The following MIOX variants were observed in gnomAD, a reference collection of about 807,000 sequenced individuals.
MIOX encodes the protein inositol oxygenase.
MIOX carries 51 observed loss-of-function variants against 42.7 expected under a neutral mutation model. The observed-to-expected ratio is 1.19, with a 90% CI of 0.95 to 1.51. The LOEUF (loss-of-function observed/expected upper bound fraction) is 1.51. Among genes scored for constraint, MIOX ranks in the 40% most tolerant of loss-of-function variants. The probability of loss-of-function intolerance (pLI) is 0.00; values close to 1 mark genes in which losing one functional copy is unlikely to be tolerated. For missense variants in MIOX, 395 were observed against 381.3 expected, an observed-to-expected ratio of 1.04 and a Z score of -0.30; for synonymous variants, 168 against 154.4, an observed-to-expected ratio of 1.09 and a Z score of -0.65.
rs1191729614 is a variant in MIOX, at chr22:50,489,530, A to G, written c.637-2A>G. 6.2e-7 allele frequency: 1 copy of G among 1,612,588 alleles called. No individual in the cohort carries two copies. Among genetic ancestry groups the G allele is most frequent in the South Asian group, 1.1e-5 (1 of 91,072 alleles). ...TGAGCCGCTGGGTGGCCTTGCCCGC[A>G]GGCTTTCTACATGATCCGGTTCCAC... is the stretch of plus-strand genomic sequence containing the variant. On this transcript the variant is annotated splice_acceptor_variant, in intron 8 of 9. Transcript: ENST00000216075. LOFTEE classifies it high-confidence loss of function.
chr22:50,489,081 G>A lies in MIOX; in HGVS notation c.450G>A (p.Pro150=), dbSNP rs148408706. 6.6e-4 allele frequency: 1,058 copies of A among 1,611,908 alleles called. 2 individuals are homozygous for A. The highest frequency in any genetic ancestry group is 8.1e-4 in the Non-Finnish European group (960 of 1,179,822). Residue 150 remains proline (P), a synonymous_variant, in exon 6 of 10, where the codon CCG becomes CCA. Transcript: ENST00000216075. ...ACACCTTCCCCGTCGGATGCCGTCC[G>A]CAGGCCTCCGTGGTTTTCTGCGACT... The part of the protein sequence containing the change: ...VGDTFPVGCR[P]QASVVFCDST...
At position 50,490,604 on chromosome 22, in the gene MIOX, G is replaced by C. The variant is rs995677361; in HGVS notation, c.*748G>C. 6.6e-6 allele frequency: 1 copy of C among 152,110 alleles called. No homozygotes were observed. Among genetic ancestry groups the C allele is most frequent in the African/African-American group, 2.4e-5 (1 of 41,426 alleles). 9.4% of individuals were successfully genotyped at this position (152,110 alleles called of 1,614,324 possible). Reference sequence around the variant, plus strand: ...CTGCACTCCAACCTGGGTATCAAGAGTGAAATTCCATCTCAAAAAAAATAA... The same window carrying C: ...CTGCACTCCAACCTGGGTATCAAGACTGAAATTCCATCTCAAAAAAAATAA... On this transcript the variant is annotated 3_prime_UTR_variant, in exon 10 of 10. Coordinates refer to ENST00000216075, the MANE Select transcript of MIOX (RefSeq NM_017584.6).
chr22:50,489,264 C>A lies in MIOX; in HGVS notation c.555C>A (p.Leu185=). The part of the protein sequence containing the change: ...ELGMYQPHCG[L]DRVLMSWGHD... Reference sequence around the variant, plus strand: ...GGATGTATCAGCCCCACTGTGGGCTCGACAGGGTCCTCATGTCCTGGGGCC... The same window carrying A: ...GGATGTATCAGCCCCACTGTGGGCTAGACAGGGTCCTCATGTCCTGGGGCC... Residue 185 remains leucine, a synonymous_variant, in exon 7 of 10, where the codon CTC becomes CTA. Transcript: ENST00000216075. The A allele has an allele frequency of 6.2e-7, 1 of 1,601,392 alleles. No homozygotes were observed. The highest frequency in any genetic ancestry group is 1.1e-5 in the South Asian group (1 of 90,390).
chr22:50,489,561 C>G lies in MIOX; in HGVS notation c.666C>G (p.Phe222Leu), dbSNP rs200415976. 12 of 1,612,640 alleles carry G rather than the reference C, an allele frequency of 7.4e-6. No individual in the cohort carries two copies. In the East Asian group the frequency reaches 1.8e-4, roughly 24 times the overall value. Residue 222 changes from phenylalanine to leucine, a missense_variant, in exon 9 of 10, where the codon TTC becomes TTG. Physicochemically the swap from Phe to Leu is conservative, Grantham distance 22. Coordinates refer to ENST00000216075, the MANE Select transcript of MIOX (RefSeq NM_017584.6). ...TCTACATGATCCGGTTCCACTCCTT[C>G]TACCCCTGGCACACGGGCCGCGACT... ...EAFYMIRFHS[F>L]YPWHTGRDYQ...
rs199790962 is a variant in MIOX at position 50,487,616 on chromosome 22, C to T, written c.97-46C>T. On this transcript the variant is annotated intron_variant, in intron 2 of 9. Transcript: ENST00000216075. Reference sequence around the variant, plus strand: ...GCCTGGGAGAGGGGAGGCATGGGGCCTCGTGTGCAGGGTGGGGGTGGCGCC... The same window carrying T: ...GCCTGGGAGAGGGGAGGCATGGGGCTTCGTGTGCAGGGTGGGGGTGGCGCC... 640 of 1,588,408 alleles carry T rather than the reference C, an allele frequency of 4.0e-4. 3 individuals carry two copies. In the Middle Eastern group the frequency reaches 4.5e-3, roughly 11 times the overall value.
chr22:50,487,599 G>C, intron 2 of MIOX, 63 bp from the exon 3 acceptor site: 1 of 1,569,506 alleles, frequency 6.4e-7, no homozygotes, highest in South Asian at 1.2e-5. Flanking sequence ...CTGCCTGGGA[G>C]AGGGGAGGCA....
Position 50,489,139 on chromosome 22 carries a change from C to G in MIOX, c.508C>G (p.Pro170Ala). Residue 170 changes from proline to alanine, a missense_variant, in exon 6 of 10, where the codon CCT becomes GCT. Physicochemically the swap from Pro to Ala is conservative, Grantham distance 27. Transcript: ENST00000216075. ...CCAGGACAACCCTGACCTCCAGGAT[C>G]CTCGATACAGGTGCTCCCTGCTGCT... ...TFQDNPDLQD[P>A]RYSTELGMYQ... 6.2e-7 allele frequency: 1 copy of G among 1,613,388 alleles called. No individual in the cohort carries two copies. Among genetic ancestry groups the G allele is most frequent in the African/African-American group, 1.3e-5 (1 of 74,964 alleles).
chr22:50,489,638 A>C lies in MIOX; in HGVS notation c.743A>C (p.Glu248Ala), dbSNP rs2068334716. The C allele has an allele frequency of 7.0e-7, 1 of 1,429,544 alleles. No individual in the cohort carries two copies. Among genetic ancestry groups the C allele is most frequent in the Admixed American group, 1.9e-5 (1 of 52,994 alleles). 88.6% of individuals were successfully genotyped at this position (1,429,544 alleles called of 1,614,324 possible). Residue 248 changes from glutamate (E) to alanine (A), a missense_variant, in exon 9 of 10, where the codon GAG becomes GCG. By Grantham distance (107) the Glu-to-Ala change is moderately radical. Transcript: ENST00000216075. ...QDLAMLPWVR[E>A]FNKFDLYTKC... ...CTGGCCATGCTGCCCTGGGTGCGGG[A>C]GTTCAAGTACGCCCCGCTACCCGCC...
chr22:50,487,263 C>A (rs537674355), intron 1 of MIOX, 122 bp from the exon 2 acceptor site: 18 of 817,692 alleles, frequency 2.2e-5, no homozygotes, highest in African/African-American at 1.9e-4. Context: ...TGTGTCCTCG[C>A]GTGTCACCCA....
rs2068339309 is a variant in MIOX, at chr22:50,489,859, C to T, written c.*3C>T. ...GCCCTGGCATCCTGAGCTGGTGACCCTCCTGCCACCCAAGCTGCTGCTGGA... is the reference window on the plus strand; with the variant it reads ...GCCCTGGCATCCTGAGCTGGTGACCTTCCTGCCACCCAAGCTGCTGCTGGA... On this transcript the variant is annotated 3_prime_UTR_variant, in exon 10 of 10. Transcript: ENST00000216075. The T allele has an allele frequency of 6.2e-7, 1 of 1,608,822 alleles. No homozygotes were observed. Among genetic ancestry groups the T allele is most frequent in the East Asian group, 2.2e-5 (1 of 44,880 alleles).
Position 50,487,764 on chromosome 22 carries a change from G to A in MIOX, c.177+22G>A, listed in dbSNP as rs371910730. Reference sequence around the variant, plus strand: ...CAAGGTAGGCGTTTCCTGCCGCCCCGTGCAAACGCGGAGGGACCCTTGCCC... The same window carrying A: ...CAAGGTAGGCGTTTCCTGCCGCCCCATGCAAACGCGGAGGGACCCTTGCCC... On this transcript the variant is annotated intron_variant, in intron 3 of 9. Transcript: ENST00000216075. 390 of 1,612,998 alleles carry A rather than the reference G, an allele frequency of 2.4e-4. 4 individuals carry two copies. The South Asian group carries it at 3.1e-3, about 13-fold the overall frequency.
At position 50,487,347 on chromosome 22, in the gene MIOX, C is replaced by T. The variant is rs554610531; in HGVS notation, c.16-38C>T. On this transcript the variant is annotated intron_variant, in intron 1 of 9. Coordinates refer to ENST00000216075, the MANE Select transcript of MIOX (RefSeq NM_017584.6). ...TGTCTGTGCTTCCTCGTGGAGCTGA[C>T]ATGATGGTGAAATAGGTTCAATCCT... is the stretch of plus-strand genomic sequence containing the variant. The T allele has an allele frequency of 1.6e-5, 25 of 1,539,014 alleles. No individual in the cohort carries two copies. The African/African-American group carries it at 1.9e-4, about 12-fold the overall frequency.
chr22:50,487,827 G>T, intron 3 of MIOX, 59 bp from the exon 4 acceptor site: 1 of 1,611,692 alleles, frequency 6.2e-7, no homozygotes, highest in Non-Finnish European at 8.5e-7. Context: ...AGGGGATGGA[G>T]AGGCCTGTGT....
In MIOX at chr22:50,487,739, C is replaced by T. The variant is rs969443899; in HGVS notation, c.174C>T (p.Ser58=). The T allele has an allele frequency of 1.9e-6, 3 of 1,613,724 alleles. No individual in the cohort carries two copies. The highest frequency in any genetic ancestry group is 2.7e-5 in the African/African-American group (2 of 74,948). Residue 58 remains serine (S), a synonymous_variant, in exon 3 of 10, where the codon AGC becomes AGT. Transcript: ENST00000216075. The part of the protein sequence containing the change: ...HTHQTVDFVR[S]KHAQFGGFSY... ...ACCAGACAGTGGACTTCGTCAGGAG[C>T]AAGGTAGGCGTTTCCTGCCGCCCCG... is the stretch of plus-strand genomic sequence containing the variant.
At chr22:50,487,256 G>A in intron 1 of MIOX, 129 bp from the exon 2 acceptor site, 2 of 773,804 alleles carry the variant, frequency 2.6e-6, no homozygotes, top group Admixed American at 4.8e-5. Context: ...GAGAGGCTGT[G>A]TCCTCGCGTG....
Position 50,489,089 on chromosome 22 carries a change from C to T in MIOX, c.458C>T (p.Ser153Phe), listed in dbSNP as rs1437162902. 1 of 1,612,856 alleles carries T rather than the reference C, an allele frequency of 6.2e-7. No individual in the cohort carries two copies. The highest frequency in any genetic ancestry group is 1.3e-5 in the African/African-American group (1 of 74,808). Residue 153 changes from serine (S) to phenylalanine (F), a missense_variant, in exon 6 of 10, where the codon TCC becomes TTC. Ser to Phe is a radical substitution (Grantham distance 155). Coordinates refer to ENST00000216075, the MANE Select transcript of MIOX (RefSeq NM_017584.6). Reference protein sequence around the residue: ...TFPVGCRPQASVVFCDSTFQD... With the variant: ...TFPVGCRPQAFVVFCDSTFQD... ...CCCGTCGGATGCCGTCCGCAGGCCT[C>T]CGTGGTTTTCTGCGACTCCACCTTC...
Position 50,489,259 on chromosome 22 carries a change from G to T in MIOX, c.550G>T (p.Gly184Trp). ...TELGMYQPHC[G>W]LDRVLMSWGH... ...GCTCGGGATGTATCAGCCCCACTGT[G>T]GGCTCGACAGGGTCCTCATGTCCTG... is the stretch of plus-strand genomic sequence containing the variant. Residue 184 changes from glycine (G) to tryptophan (W), a missense_variant, in exon 7 of 10, where the codon GGG becomes TGG. Coordinates refer to ENST00000216075, the MANE Select transcript of MIOX (RefSeq NM_017584.6). 6.2e-7 allele frequency: 1 copy of T among 1,603,366 alleles called. No homozygotes were observed. The highest frequency in any genetic ancestry group is 1.1e-5 in the South Asian group (1 of 90,450).
In MIOX at chr22:50,489,955, CGGT is replaced by C; in HGVS notation, c.*102_*104del. On this transcript the variant is annotated 3_prime_UTR_variant, in exon 10 of 10. Transcript: ENST00000216075. The stretch of plus-strand genomic sequence containing the variant: ...AAACAGCCGCCATCAGGGTTCACCT[CGGT>C]GGGGGACCCCACTCACCCCCTTAGG... 1 of 1,152,888 alleles carries C rather than the reference CGGT, an allele frequency of 8.7e-7. No individual in the cohort carries two copies. The highest frequency in any genetic ancestry group is 1.5e-5 in the African/African-American group (1 of 65,888). The allele number at this position is 1,152,888 out of a possible 1,614,324, so 71.4% of individuals were successfully genotyped here.
At position 50,489,998 on chromosome 22, in the gene MIOX, C is replaced by G. The variant is rs761279314; in HGVS notation, c.*142C>G. The G allele has an allele frequency of 4.0e-5, 27 of 681,746 alleles. No individual in the cohort carries two copies. The highest frequency in any genetic ancestry group is 6.5e-5 in the Non-Finnish European group (26 of 398,012). The allele number at this position is 681,746 out of a possible 1,614,324, so 42.2% of individuals were successfully genotyped here. ...ACCCCCTTAGGGTCGCCACCCCTCA[C>G]GGCAACTTGTGCCTGGCGTCAATAA... On this transcript the variant is annotated 3_prime_UTR_variant, in exon 10 of 10. Coordinates refer to ENST00000216075, the MANE Select transcript of MIOX (RefSeq NM_017584.6).
Sources: allele counts gnomAD v4.1 joint callset, GRCh38; gene constraint gnomAD v4.1.1; transcripts MANE v1.5; gene names NCBI Gene and HGNC (gene_info 2026-07-23, HGNC 2026-07-21).